Variants in RAD51B observed in about 807,000 individuals in gnomAD.
RAD51B encodes the protein RAD51 paralog B.
A neutral mutation model predicts 42.2 loss-of-function variants in RAD51B; 38 were observed. The observed-to-expected ratio is 0.90, with a 90% CI of 0.70 to 1.18. The LOEUF (loss-of-function observed/expected upper bound fraction) is 1.18, where lower values mean the gene tolerates loss of function less well. Among genes scored for constraint, RAD51B ranks in the 50% most tolerant of loss-of-function variants. The probability of loss-of-function intolerance (pLI) is 0.00; values close to 1 mark genes in which losing one functional copy is unlikely to be tolerated. For missense variants in RAD51B, 373 were observed against 400.7 expected, an observed-to-expected ratio of 0.93 and a Z score of 0.59; for synonymous variants, 154 against 145.2, an observed-to-expected ratio of 1.06 and a Z score of -0.43.
intron 5 of RAD51B, among the ~76,000 whole-genome samples, chr14:67,867,940 A>G (rs1325908871): frequency 6.6e-6 from 1 of 152,222 alleles, no homozygotes; most frequent in Non-Finnish European, 1.5e-5. Context: ...TCACATATAT[A>G]GAATTTAGGG....
intron 10 of RAD51B, among the ~76,000 whole-genome samples, chr14:68,604,068 T>C (rs148727588): frequency 6.6e-6 from 1 of 152,298 alleles, no homozygotes; most frequent in Non-Finnish European, 1.5e-5. Flanking sequence ...CTGCTGGGTG[T>C]CATGTAACTC....
At chr14:68,285,707 T>C (rs542010899) in intron 7 of RAD51B, among the ~76,000 whole-genome samples, 1 of 152,326 alleles carries the variant, frequency 6.6e-6, no homozygotes, top group African/African-American at 2.4e-5. Flanking sequence ...CAGGTGTTTT[T>C]ATGGGCTAGA....
intron 7 of RAD51B, among the ~76,000 whole-genome samples, chr14:67,981,066 C>T (rs999738500): frequency 5.3e-5 from 8 of 151,964 alleles, no homozygotes; most frequent in East Asian, 1.9e-4. Flanking sequence ...AGGTAGACAT[C>T]GGATAGAGTA....
chr14:68,513,235 T>C (rs867277435), intron 10 of RAD51B, among the ~76,000 whole-genome samples: 2 of 152,324 alleles, frequency 1.3e-5, no homozygotes, highest in Middle Eastern at 6.8e-3. Context: ...GGTTAAACAC[T>C]GGCATTCAGA....
intron 7 of RAD51B, among the ~76,000 whole-genome samples, chr14:68,073,072 G>A (rs981638270): frequency 2.0e-5 from 3 of 151,948 alleles, no homozygotes; most frequent in African/African-American, 7.2e-5. Context: ...TCAAGTTTAA[G>A]TCTCCAATAT....
intron 7 of RAD51B, among the ~76,000 whole-genome samples, chr14:68,061,561 A>G (rs182387857): frequency 6.6e-6 from 1 of 151,990 alleles, no homozygotes; most frequent in East Asian, 1.9e-4. Context: ...GTTCTCTTCA[A>G]TTTCTTTCAC....
intron 4 of RAD51B, among the ~76,000 whole-genome samples, chr14:67,839,579 A>G (rs1414805253): frequency 2.0e-5 from 3 of 152,128 alleles, no homozygotes; most frequent in Admixed American, 1.3e-4. Flanking sequence ...TTTAAAAAAA[A>G]TCTTGTCAGA....
intron 3 of RAD51B, among the ~76,000 whole-genome samples, chr14:67,828,933 A>C (rs2040931117): frequency 6.6e-6 from 1 of 152,136 alleles, no homozygotes; most frequent in African/African-American, 2.4e-5. Context: ...CTGCAGCTTC[A>C]TTCTTTTTGC....
intron 3 of RAD51B, among the ~76,000 whole-genome samples, chr14:67,834,703 C>T (rs2041171725): frequency 6.6e-6 from 1 of 152,152 alleles, no homozygotes; most frequent in Non-Finnish European, 1.5e-5. Flanking sequence ...CCTTTGCTTA[C>T]CTAACAGCTC....
At chr14:68,414,561 G>A (rs528802206) in intron 9 of RAD51B, among the ~76,000 whole-genome samples, 4 of 152,122 alleles carry the variant, frequency 2.6e-5, no homozygotes, top group Admixed American at 1.3e-4. Flanking sequence ...TCCTGCCCTC[G>A]AGGTCCAAAC....
intron 10 of RAD51B, among the ~76,000 whole-genome samples, chr14:68,628,614 T>TGGCC (rs1235894142): frequency 6.6e-6 from 1 of 151,064 alleles, no homozygotes; most frequent in East Asian, 1.9e-4. Context: ...GGGCTGGGGG[T>TGGCC]GGCCGGCGCG....
In RAD51B at chr14:68,538,111, A is replaced by G. The variant is rs1475020077; in HGVS notation, c.1037-56374A>G. Among the ~76,000 whole-genome samples the G allele has an allele frequency of 2.0e-5, 3 of 152,334 alleles. No individual in the cohort carries two copies. In the East Asian group the frequency reaches 5.8e-4, roughly 29 times the overall value. On this transcript the variant is annotated intron_variant, in intron 10 of 10. Coordinates refer to the RAD51B transcript ENST00000487270. ...CCTAACTCTGGCTCTTTCCAGTCCCATGGGCCAAAGAGCCAAGACACCTCA... is the reference window on the plus strand; with the variant it reads ...CCTAACTCTGGCTCTTTCCAGTCCCGTGGGCCAAAGAGCCAAGACACCTCA...
intron 7 of RAD51B, among the ~76,000 whole-genome samples, chr14:68,286,489 C>A (rs2081416691): frequency 6.6e-6 from 1 of 152,178 alleles, no homozygotes; most frequent in African/African-American, 2.4e-5. Flanking sequence ...TCTTTGTCCC[C>A]CACCAAAAGT....
chr14:68,595,901 T>C (rs1007913949), exon 11 of RAD51B: 26 of 323,948 alleles, frequency 8.0e-5, no homozygotes, highest in African/African-American at 5.1e-4. Context: ...AACAGTGCAA[T>C]CTCTGGGCAA....
intron 7 of RAD51B, among the ~76,000 whole-genome samples, chr14:68,204,956 CAG>C (rs1255113960): frequency 6.6e-6 from 1 of 152,000 alleles, no homozygotes; most frequent in Non-Finnish European, 1.5e-5. Context: ...GGTTATAAAA[CAG>C]AATGTATAGT....
chr14:67,891,455 G>A (rs955253397), intron 7 of RAD51B, among the ~76,000 whole-genome samples: 13 of 152,180 alleles, frequency 8.5e-5, no homozygotes, highest in African/African-American at 3.1e-4. Flanking sequence ...AAGCTGCTTA[G>A]ACAAATGAAT....
intron 10 of RAD51B, chr14:68,594,460 T>C (rs766539347): frequency 1.5e-6 from 2 of 1,362,252 alleles, no homozygotes; most frequent in South Asian, 2.3e-5. Flanking sequence ...AGACTTTGAC[T>C]TCCTTTTTTT....
intron 7 of RAD51B, among the ~76,000 whole-genome samples, chr14:67,924,018 A>G (rs117590012): frequency 0.06 from 9,116 of 152,118 alleles, 642 homozygotes; most frequent in African/African-American, 0.17. Context: ...GGCCATTTGT[A>G]TATCTTCTTT....
intron 7 of RAD51B, among the ~76,000 whole-genome samples, chr14:68,072,258 CTG>C (rs2076764826): frequency 7.0e-6 from 1 of 143,644 alleles, no homozygotes; most frequent in African/African-American, 2.6e-5. Flanking sequence ...GCTTAATAAA[CTG>C]TATATATAGG....
Sources: gnomAD v4.1 joint callset for allele counts (sites outside exome capture counted in the v4.1 genomes callset) on GRCh38, gnomAD v4.1.1 for gene constraint, MANE v1.5 for transcripts, NCBI Gene and HGNC (gene_info 2026-07-23, HGNC 2026-07-21) for gene names.